Variants in SLC25A21 observed in about 807,000 individuals in gnomAD.
SLC25A21 encodes mitochondrial 2-oxodicarboxylate carrier.
A neutral mutation model predicts 43.8 loss-of-function variants in SLC25A21; 47 were observed. The ratio of observed to expected loss-of-function variants is 1.07; its 90% CI spans 0.85 to 1.37. The LOEUF is 1.37. Ranked by LOEUF, SLC25A21 falls within the 40% of genes most tolerant of loss-of-function variation. The pLI is 0.00. For synonymous variants in SLC25A21, 131 were observed against 121.3 expected, an observed-to-expected ratio of 1.08 and a Z score of -0.52; for missense variants, 352 against 350.2, an observed-to-expected ratio of 1.00 and a Z score of -0.04.
chr14:36,897,936 C>T (rs967707885), intron 1 of SLC25A21, among the ~76,000 whole-genome samples: 1 of 152,210 alleles, frequency 6.6e-6, no homozygotes, highest in African/African-American at 2.4e-5. Context: ...AGGTGTCGGT[C>T]TGACCCTACT....
intron 7 of SLC25A21, among the ~76,000 whole-genome samples, chr14:36,702,935 A>T (rs1418213292): frequency 2.6e-5 from 4 of 152,068 alleles, no homozygotes; most frequent in Non-Finnish European, 4.4e-5. Context: ...CCCGCTACAT[A>T]TCCCCACTAG....
chr14:36,850,069 T>G (rs1369513071), intron 2 of SLC25A21, among the ~76,000 whole-genome samples: 1 of 152,096 alleles, frequency 6.6e-6, no homozygotes, highest in Non-Finnish European at 1.5e-5. Flanking sequence ...AGTGCTGTGA[T>G]AAGAGAAAAT....
intron 3 of SLC25A21, among the ~76,000 whole-genome samples, chr14:36,752,691 G>C (rs565965345): frequency 6.6e-6 from 1 of 152,316 alleles, no homozygotes; most frequent in South Asian, 2.1e-4. Flanking sequence ...ATCTTGAATT[G>C]TAGCTCCCAT....
chr14:36,813,578 G>C (rs1217617873), intron 3 of SLC25A21, among the ~76,000 whole-genome samples: 1 of 152,078 alleles, frequency 6.6e-6, no homozygotes, highest in Non-Finnish European at 1.5e-5. Context: ...TCATAAACTA[G>C]AGTGTGAACG....
chr14:36,883,876 C>G (rs1366579579), intron 1 of SLC25A21, among the ~76,000 whole-genome samples: 1 of 151,836 alleles, frequency 6.6e-6, no homozygotes, highest in Non-Finnish European at 1.5e-5. Context: ...TTATGGGGTA[C>G]AATGTGATGT....
chr14:37,050,196 A>C (rs570350193), intron 1 of SLC25A21, among the ~76,000 whole-genome samples: 18 of 152,370 alleles, frequency 1.2e-4, no homozygotes, highest in Admixed American at 3.3e-4. Context: ...CAAAAATGCT[A>C]TACCTTAAGT....
chr14:36,937,649 GAAAC>G (rs978602214), intron 1 of SLC25A21, among the ~76,000 whole-genome samples: 3 of 152,274 alleles, frequency 2.0e-5, no homozygotes, highest in East Asian at 1.9e-4. Flanking sequence ...GATTGTGAAG[GAAAC>G]AAACAAAGAT....
intron 1 of SLC25A21, among the ~76,000 whole-genome samples, chr14:36,959,701 T>C (rs375955296): frequency 5.1e-4 from 77 of 152,342 alleles, no homozygotes; most frequent in African/African-American, 1.6e-3. Context: ...TTCCACAATG[T>C]AGACCACAAT....
rs1237227408 is a variant in SLC25A21 at position 36,678,036 on chromosome 14, T to C, written c.*2622A>G. ...ATTCAGCTGTTGGAAAATTAATATATTGAGGGTTTTTTGGTACTAATTCTG... is the reference window on the plus strand; with the variant it reads ...ATTCAGCTGTTGGAAAATTAATATACTGAGGGTTTTTTGGTACTAATTCTG... On this transcript the variant is annotated 3_prime_UTR_variant, in exon 10 of 10. Transcript: ENST00000331299. 1 of 155,742 alleles carries C rather than the reference T, an allele frequency of 6.4e-6. No individual in the cohort carries two copies. The highest frequency in any genetic ancestry group is 2.4e-5 in the African/African-American group (1 of 41,740). The allele number at this position is 155,742 out of a possible 1,614,324, so 9.6% of individuals were successfully genotyped here. A position where few individuals can be genotyped will look rare whatever the true frequency, so the allele number is the denominator to read the frequency against.
At chr14:36,792,095 C>T (rs555127805) in intron 3 of SLC25A21, among the ~76,000 whole-genome samples, 1 of 152,054 alleles carries the variant, frequency 6.6e-6, no homozygotes, top group Admixed American at 6.6e-5. Flanking sequence ...TAGATAAATG[C>T]TCTCTTTTTT....
intron 3 of SLC25A21, among the ~76,000 whole-genome samples, chr14:36,747,628 T>C (rs1885548357): frequency 6.6e-6 from 1 of 152,208 alleles, no homozygotes; most frequent in Non-Finnish European, 1.5e-5. Flanking sequence ...AACCAATTCA[T>C]ACACGTTTGA....
intron 1 of SLC25A21, among the ~76,000 whole-genome samples, chr14:37,027,961 C>A (rs1182690859): frequency 6.6e-6 from 1 of 152,150 alleles, no homozygotes; most frequent in African/African-American, 2.4e-5. Context: ...TTGATTCAAT[C>A]TTCCAAGACA....
chr14:36,860,557 CT>C (rs1270999785), intron 2 of SLC25A21, among the ~76,000 whole-genome samples: 8 of 152,160 alleles, frequency 5.3e-5, no homozygotes, highest in Non-Finnish European at 8.8e-5. Context: ...TACACTCCCC[CT>C]GGACACTGAC....
intron 1 of SLC25A21, among the ~76,000 whole-genome samples, chr14:36,935,655 C>A (rs189710119): frequency 1.3e-4 from 19 of 149,700 alleles, no homozygotes; most frequent in Admixed American, 1.1e-3. Context: ...CAGGCTACAG[C>A]GTACTGAAGC....
intron 4 of SLC25A21, among the ~76,000 whole-genome samples, chr14:36,733,875 T>C (rs7151338): frequency 0.049 from 7,438 of 152,202 alleles, 586 homozygotes; most frequent in African/African-American, 0.16. Flanking sequence ...GATCTCCCTG[T>C]TCCTCTTCAG....
intron 1 of SLC25A21, among the ~76,000 whole-genome samples, chr14:37,165,792 G>T (rs921125814): frequency 6.6e-6 from 1 of 152,140 alleles, no homozygotes; most frequent in Non-Finnish European, 1.5e-5. Context: ...GATCTTATAT[G>T]ACATGGGAAA....
Position 36,680,809 on chromosome 14 carries a change from C to T in SLC25A21, c.839-90G>A, listed in dbSNP as rs974396668. ...GTTTCTGAATCCATGATGTCTCGCACAGCCTGTCAGGCAGAGGCTGTTCGG... is the reference window on the plus strand; with the variant it reads ...GTTTCTGAATCCATGATGTCTCGCATAGCCTGTCAGGCAGAGGCTGTTCGG... On this transcript the variant is annotated intron_variant, in intron 9 of 9. Coordinates refer to ENST00000331299, the MANE Select transcript of SLC25A21 (RefSeq NM_030631.4). 37 of 1,164,698 alleles carry T rather than the reference C, an allele frequency of 3.2e-5. No homozygotes were observed. The Admixed American group carries it at 6.7e-4, about 21-fold the overall frequency. The allele number at this position is 1,164,698 out of a possible 1,614,324, so 72.1% of individuals were successfully genotyped here. A position where few individuals can be genotyped will look rare whatever the true frequency, so the allele number is the denominator to read the frequency against.
At chr14:36,893,739 T>C (rs1322902565) in intron 1 of SLC25A21, among the ~76,000 whole-genome samples, 2 of 152,190 alleles carry the variant, frequency 1.3e-5, no homozygotes, top group Non-Finnish European at 2.9e-5. Context: ...AAGGAAGGGA[T>C]CCAGTTTCAG....
intron 3 of SLC25A21, among the ~76,000 whole-genome samples, chr14:36,805,547 T>C (rs1429846): frequency 0.043 from 6,609 of 152,220 alleles, 496 homozygotes; most frequent in African/African-American, 0.15. Context: ...GTACAGCTTC[T>C]GCCAGCAACT....
Sources: allele counts gnomAD v4.1 joint callset (sites outside exome capture counted in the v4.1 genomes callset), GRCh38; gene constraint gnomAD v4.1.1; transcripts MANE v1.5; gene names NCBI Gene and HGNC (gene_info 2026-07-23, HGNC 2026-07-21).